ZBTB20: variants seen among roughly 807,000 people sequenced by gnomAD.
The protein encoded by ZBTB20 is zinc finger and BTB domain-containing protein 20.
ZBTB20 carries 9 observed loss-of-function variants against 56.9 expected under a neutral mutation model. The observed-to-expected ratio is 0.16, with a 90% confidence interval of 0.10 to 0.28. The LOEUF (loss-of-function observed/expected upper bound fraction) is 0.28. Among genes scored for constraint, ZBTB20 ranks in the 10% least tolerant of loss-of-function variants. The pLI is 1.00. For synonymous variants in ZBTB20, 417 were observed against 420.7 expected (o/e 0.99, Z 0.11); for missense variants, 655 against 1,003.0 (o/e 0.65, Z 4.69).
intron 7 of ZBTB20, among the ~76,000 whole-genome samples, chr3:114,405,517 G>A (rs2087232998): frequency 6.6e-6 from 1 of 151,958 alleles, no homozygotes. Context: ...AGTAAAAGAT[G>A]GAATGAAACT....
chr3:114,812,657 T>C (rs1264318275), intron 4 of ZBTB20, among the ~76,000 whole-genome samples: 1 of 152,208 alleles, frequency 6.6e-6, no homozygotes, highest in African/African-American at 2.4e-5. Flanking sequence ...GCACCCGGGC[T>C]GCAGGTGGAG....
At position 114,874,984 on chromosome 3, in the gene ZBTB20, C is replaced by G. The variant is rs535141127; in HGVS notation, c.-417+25320G>C. Among the ~76,000 whole-genome samples, 9 of 152,264 alleles carry G rather than the reference C, an allele frequency of 5.9e-5. No homozygotes were observed. The South Asian group carries it at 1.7e-3, about 28-fold the overall frequency. The stretch of plus-strand genomic sequence containing the variant: ...ATGTGTAAGCAATGTCCTGCCCAAA[C>G]TACAATCTTTCATGTGCTCATAGTC... On this transcript the variant is annotated intron_variant, in intron 4 of 11. Transcript: ENST00000675478.
intron 3 of ZBTB20, among the ~76,000 whole-genome samples, chr3:114,914,358 A>C (rs2075661778): frequency 6.6e-6 from 1 of 151,866 alleles, no homozygotes; most frequent in South Asian, 2.1e-4. Context: ...TTACTTTTTA[A>C]ATTTCTTTTT....
intron 2 of ZBTB20, among the ~76,000 whole-genome samples, chr3:115,046,669 A>C (rs532302823): frequency 1.3e-5 from 2 of 152,292 alleles, no homozygotes; most frequent in East Asian, 3.9e-4. Flanking sequence ...TCATTTTTTC[A>C]TTCATAGTTG....
chr3:114,710,245 T>C (rs1472598574), intron 5 of ZBTB20: 1 of 152,196 alleles, frequency 6.6e-6, no homozygotes. Context: ...CATCATCATA[T>C]AATATGGGAC....
intron 6 of ZBTB20, among the ~76,000 whole-genome samples, chr3:114,680,299 A>T (rs1220517827): frequency 2.6e-5 from 4 of 152,130 alleles, no homozygotes; most frequent in East Asian, 3.9e-4. Flanking sequence ...AAGTTTTTTT[A>T]AAAAATATGT....
intron 5 of ZBTB20, among the ~76,000 whole-genome samples, chr3:114,761,905 T>C (rs183373028): frequency 2.3e-4 from 35 of 151,918 alleles, no homozygotes; most frequent in African/African-American, 5.3e-4. Flanking sequence ...TAGCCCAGAA[T>C]AGGTGTAAAA....
chr3:114,682,261 A>G (rs2062021402), intron 6 of ZBTB20, among the ~76,000 whole-genome samples: 1 of 152,204 alleles, frequency 6.6e-6, no homozygotes. Context: ...ATGATTAGAA[A>G]GGTATATCCC....
intron 3 of ZBTB20, among the ~76,000 whole-genome samples, chr3:114,971,737 A>G (rs9823851): frequency 5.1e-4 from 78 of 152,362 alleles, no homozygotes; most frequent in Non-Finnish European, 9.1e-4. Context: ...TTGTATTACA[A>G]TGGAACTTAA....
intron 5 of ZBTB20, among the ~76,000 whole-genome samples, chr3:114,699,473 G>A (rs1432358977): frequency 1.3e-5 from 2 of 151,732 alleles, no homozygotes; most frequent in African/African-American, 4.8e-5. Flanking sequence ...TTCTGGTTTA[G>A]AAAGTCAGAA....
At chr3:114,786,899 C>T (rs2070533221) in intron 5 of ZBTB20, among the ~76,000 whole-genome samples, 1 of 152,002 alleles carries the variant, frequency 6.6e-6, no homozygotes, top group Non-Finnish European at 1.5e-5. Flanking sequence ...GGTAAATGAT[C>T]TTCTGTATAT....
At chr3:115,057,282 C>T (rs1418164735) in intron 2 of ZBTB20, among the ~76,000 whole-genome samples, 1 of 151,556 alleles carries the variant, frequency 6.6e-6, no homozygotes, top group East Asian at 1.9e-4. Context: ...TCTTTGTCTG[C>T]CTTTTTTTGA....
chr3:114,518,484 T>A (rs1392657353), intron 6 of ZBTB20: 1 of 152,236 alleles, frequency 6.6e-6, no homozygotes, highest in Non-Finnish European at 1.5e-5. Context: ...TCTTCAAATA[T>A]GAACTTGTGT....
chr3:114,915,872 C>A (rs191116104), intron 3 of ZBTB20, among the ~76,000 whole-genome samples: 20 of 151,916 alleles, frequency 1.3e-4, no homozygotes, highest in Admixed American at 2.6e-4. Flanking sequence ...ATAGTTTCCA[C>A]AATTCTTCAT....
At chr3:115,052,625 T>C (rs1298473732) in intron 2 of ZBTB20, among the ~76,000 whole-genome samples, 3 of 152,198 alleles carry the variant, frequency 2.0e-5, no homozygotes, top group Non-Finnish European at 4.4e-5. Context: ...AAGAAGCTTG[T>C]CAAGTTTTCA....
intron 6 of ZBTB20, among the ~76,000 whole-genome samples, chr3:114,593,079 T>G (rs1180719240): frequency 6.6e-6 from 1 of 152,166 alleles, no homozygotes; most frequent in Non-Finnish European, 1.5e-5. Flanking sequence ...TATGGAGACA[T>G]GTACAGCTAT....
At chr3:114,884,945 A>C (rs1397411971) in intron 4 of ZBTB20, among the ~76,000 whole-genome samples, 3 of 152,222 alleles carry the variant, frequency 2.0e-5, no homozygotes, top group Non-Finnish European at 4.4e-5. Flanking sequence ...GAGAGCTAAG[A>C]GTAGCAATGA....
chr3:114,398,018 A>G (rs973252122), intron 7 of ZBTB20, among the ~76,000 whole-genome samples: 1 of 152,142 alleles, frequency 6.6e-6, no homozygotes, highest in African/African-American at 2.4e-5. Context: ...AGAAAGACTA[A>G]GCACATTTCT....
chr3:114,942,044 GT>G (rs1243501510), intron 3 of ZBTB20, among the ~76,000 whole-genome samples: 1 of 146,146 alleles, frequency 6.8e-6, no homozygotes, highest in Non-Finnish European at 1.5e-5. Flanking sequence ...ATAAATCAGA[GT>G]TTTTAAATAA....
Sources: allele counts gnomAD v4.1 joint callset (sites outside exome capture counted in the v4.1 genomes callset), GRCh38; gene constraint gnomAD v4.1.1; transcripts MANE v1.5; gene names NCBI Gene and HGNC (gene_info 2026-07-23, HGNC 2026-07-21).